CTNNA3: variants seen among roughly 807,000 people sequenced by gnomAD.
CTNNA3 encodes the protein catenin alpha-3.
CTNNA3 carries 76 observed loss-of-function variants against 95.7 expected under a neutral mutation model. That is an observed-to-expected ratio of 0.79 (90% confidence interval 0.66 to 0.96). The LOEUF is 0.96. CTNNA3 is among the 40% of genes least tolerant of loss of function. The pLI is 0.00. For missense variants in CTNNA3, 1,191 were observed against 1,089.8 expected (o/e 1.09, Z -1.31); for synonymous variants, 431 against 374.4 (o/e 1.15, Z -1.74).
intron 7 of CTNNA3, among the ~76,000 whole-genome samples, chr10:66,909,708 C>A (rs1345046505): frequency 1.3e-5 from 2 of 152,080 alleles, no homozygotes; most frequent in Admixed American, 6.6e-5. Context: ...GGTTAATTGG[C>A]CCAAATTTTG....
intron 11 of CTNNA3, 29 bp downstream of exon 11, chr10:66,520,588 A>G (rs1404815714): frequency 6.3e-7 from 1 of 1,575,642 alleles, no homozygotes; most frequent in Non-Finnish European, 8.6e-7. Flanking sequence ...ACAAGAGAAA[A>G]TAAACAAATT....
rs375986951 is a variant in CTNNA3 at position 67,477,999 on chromosome 10, C to T, written c.579+43843G>A. Reference sequence around the variant, plus strand: ...CATCTTAAAAATAAATCAGTCAGAGCTTCTGGAATTGAAAACTTGCTTAAG... The same window carrying T: ...CATCTTAAAAATAAATCAGTCAGAGTTTCTGGAATTGAAAACTTGCTTAAG... On this transcript the variant is annotated intron_variant, in intron 5 of 17. Transcript: ENST00000433211. Among the ~76,000 whole-genome samples the T allele has an allele frequency of 1.5e-4, 23 of 152,262 alleles. No individual in the cohort carries two copies. In the South Asian group the frequency reaches 4.1e-3, roughly 27 times the overall value.
intron 13 of CTNNA3, among the ~76,000 whole-genome samples, chr10:66,185,908 A>T (rs948492348): frequency 6.6e-6 from 1 of 151,916 alleles, no homozygotes; most frequent in Non-Finnish European, 1.5e-5. Flanking sequence ...ATACACAAAC[A>T]TCTCTCTCTC....
At chr10:66,186,142 G>T (rs979857625) in intron 13 of CTNNA3, among the ~76,000 whole-genome samples, 2 of 152,022 alleles carry the variant, frequency 1.3e-5, no homozygotes, top group African/African-American at 4.8e-5. Context: ...TCATCATAGA[G>T]AACTGACAAG....
intron 7 of CTNNA3, among the ~76,000 whole-genome samples, chr10:66,925,076 T>C (rs1274309446): frequency 6.6e-6 from 1 of 152,204 alleles, no homozygotes; most frequent in African/African-American, 2.4e-5. Context: ...GGCTTCATTT[T>C]CACTGACTTC....
intron 7 of CTNNA3, among the ~76,000 whole-genome samples, chr10:66,867,285 T>G (rs908479341): frequency 6.6e-6 from 1 of 152,196 alleles, no homozygotes; most frequent in African/African-American, 2.4e-5. Flanking sequence ...ATTAAGTAAA[T>G]GCTCCTCTGG....
chr10:66,967,359 GATAT>G (rs1849485989), intron 7 of CTNNA3, among the ~76,000 whole-genome samples: 5 of 145,182 alleles, frequency 3.4e-5, no homozygotes, highest in South Asian at 2.3e-4. Flanking sequence ...TAGATAGATA[GATAT>G]ATGTAGATAT....
chr10:66,523,605 G>C (rs1435760699), intron 10 of CTNNA3, among the ~76,000 whole-genome samples: 2 of 151,968 alleles, frequency 1.3e-5, no homozygotes. Flanking sequence ...GAATTATGTT[G>C]CTTTCTGAGG....
chr10:67,089,040 T>C (rs1192032101), intron 7 of CTNNA3, among the ~76,000 whole-genome samples: 2 of 152,024 alleles, frequency 1.3e-5, no homozygotes, highest in Non-Finnish European at 1.5e-5. Flanking sequence ...TGATTTTAAA[T>C]ATATGGGAGG....
chr10:66,358,829 T>G (rs139927146), intron 12 of CTNNA3, among the ~76,000 whole-genome samples: 167 of 152,350 alleles, frequency 1.1e-3, no homozygotes, highest in African/African-American at 3.8e-3. Flanking sequence ...AATGTTTAGA[T>G]TCCTACTTTT....
At chr10:66,602,728 A>T (rs779434531) in intron 10 of CTNNA3, among the ~76,000 whole-genome samples, 17 of 152,100 alleles carry the variant, frequency 1.1e-4, no homozygotes, top group Non-Finnish European at 2.4e-4. Flanking sequence ...TCAATAATAC[A>T]TTAAAAAGAT....
chr10:66,514,985 ATT>A (rs1474404962), intron 11 of CTNNA3, among the ~76,000 whole-genome samples: 2 of 152,084 alleles, frequency 1.3e-5, no homozygotes, highest in African/African-American at 4.8e-5. Flanking sequence ...AACAGAAGAC[ATT>A]TGTCATTAGA....
chr10:66,661,761 C>A (rs7906474), intron 9 of CTNNA3, among the ~76,000 whole-genome samples: 1 of 151,498 alleles, frequency 6.6e-6, no homozygotes, highest in Non-Finnish European at 1.5e-5. Flanking sequence ...GCTTTATCAC[C>A]GAAGAGATTA....
At chr10:66,216,514 G>C (rs2088548532) in intron 13 of CTNNA3, among the ~76,000 whole-genome samples, 1 of 152,130 alleles carries the variant, frequency 6.6e-6, no homozygotes, top group Non-Finnish European at 1.5e-5. Context: ...AGCTATTGCA[G>C]AACAGCATAA....
chr10:67,538,157 T>TAAAAAAAAAAAAAAAAAAAAAAAA (rs1176919938), intron 4 of CTNNA3, among the ~76,000 whole-genome samples: 1 of 59,176 alleles, frequency 1.7e-5, no homozygotes, highest in African/African-American at 7.3e-5. Flanking sequence ...CTACTTAAAC[T>TAAAAAAAAAAAAAAAAAAAAAAAA]AAAAAAAAAA....
chr10:65,980,895 G>A (rs572599621), intron 16 of CTNNA3, among the ~76,000 whole-genome samples: 19 of 152,042 alleles, frequency 1.2e-4, no homozygotes, highest in African/African-American at 4.1e-4. Flanking sequence ...TATACTGAAC[G>A]GGGAAAAGTT....
intron 7 of CTNNA3, among the ~76,000 whole-genome samples, chr10:66,809,161 TA>T (rs1282703919): frequency 1.3e-5 from 2 of 152,204 alleles, no homozygotes; most frequent in Non-Finnish European, 2.9e-5. Flanking sequence ...ATATGAACTT[TA>T]AAATTGTTGT....
chr10:67,679,019 G>A (rs1589560377), intron 1 of CTNNA3, among the ~76,000 whole-genome samples: 1 of 152,258 alleles, frequency 6.6e-6, no homozygotes, highest in South Asian at 2.1e-4. Flanking sequence ...CTTTCATCTT[G>A]TCTCCCAAGG....
At chr10:67,009,189 G>A (rs1289019957) in intron 7 of CTNNA3, among the ~76,000 whole-genome samples, 1 of 151,850 alleles carries the variant, frequency 6.6e-6, no homozygotes, top group South Asian at 2.1e-4. Flanking sequence ...CTTTATTTCA[G>A]GAATTTATCT....
Sources: gnomAD v4.1 joint callset for allele counts (sites outside exome capture counted in the v4.1 genomes callset) on GRCh38, gnomAD v4.1.1 for gene constraint, MANE v1.5 for transcripts, NCBI Gene and HGNC (gene_info 2026-07-23, HGNC 2026-07-21) for gene names.